SLC4A4: variants seen among roughly 807,000 people sequenced by gnomAD.
SLC4A4 encodes the protein electrogenic sodium bicarbonate cotransporter 1.
A neutral mutation model predicts 111.5 loss-of-function variants in SLC4A4; 27 were observed. That is an observed-to-expected ratio of 0.24 (90% CI 0.18 to 0.33). The LOEUF is 0.33. Among genes scored for constraint, SLC4A4 ranks in the 10% least tolerant of loss-of-function variants. The pLI is 1.00. For missense variants in SLC4A4, 909 were observed against 1,315.5 expected (o/e 0.69, Z 4.78); for synonymous variants, 443 against 463.4 (o/e 0.96, Z 0.57).
chr4:71,107,155 A>C (rs1742954372), intron 2 of SLC4A4, among the ~76,000 whole-genome samples: 1 of 151,346 alleles, frequency 6.6e-6, no homozygotes, highest in Admixed American at 6.6e-5. Context: ...TATAGATAGC[A>C]TATAGTTAGA....
Position 71,082,265 on chromosome 4 carries a change from C to T in SLC4A4, c.-64-10465C>T, listed in dbSNP as rs185115301. ...GATGTATCTGAGTCTCAGCTCCAAC[C>T]TAGCCGAAGCACTCTGCATTTGCAG... On this transcript the variant is annotated intron_variant, in intron 1 of 26. Transcript: ENST00000649996. 3.3e-5 allele frequency among the ~76,000 whole-genome samples: 5 copies of T among 152,138 alleles called. No individual in the cohort carries two copies. The East Asian group carries it at 9.6e-4, about 29-fold the overall frequency.
chr4:71,359,829 G>A (rs1328075231), intron 6 of SLC4A4, among the ~76,000 whole-genome samples: 1 of 152,098 alleles, frequency 6.6e-6, no homozygotes, highest in Non-Finnish European at 1.5e-5. Flanking sequence ...AGATAAATTT[G>A]TATACCTTTG....
intron 6 of SLC4A4, among the ~76,000 whole-genome samples, chr4:71,359,066 T>C (rs1483648967): frequency 1.3e-5 from 2 of 152,214 alleles, no homozygotes; most frequent in Non-Finnish European, 2.9e-5. Flanking sequence ...TTCATTTCCA[T>C]GGAACTGCAG....
intron 1 of SLC4A4, among the ~76,000 whole-genome samples, chr4:71,229,818 T>TTC (rs1553964998): frequency 1.3e-5 from 2 of 151,588 alleles, no homozygotes; most frequent in Non-Finnish European, 2.9e-5. Flanking sequence ...CGAAGTTTTT[T>TTC]TTTTTTTTTT....
chr4:71,343,483 A>G (rs1013339528), intron 4 of SLC4A4, among the ~76,000 whole-genome samples: 8 of 152,208 alleles, frequency 5.3e-5, no homozygotes, highest in Admixed American at 1.3e-4. Context: ...ACTGAACTTC[A>G]GATCTACTCT....
chr4:71,534,920 A>G (rs1734277335), intron 18 of SLC4A4, among the ~76,000 whole-genome samples: 1 of 152,174 alleles, frequency 6.6e-6, no homozygotes, highest in East Asian at 1.9e-4. Context: ...AAAATCAGTT[A>G]TTAACTTTGT....
chr4:71,110,546 G>A (rs1357489252), intron 2 of SLC4A4, among the ~76,000 whole-genome samples: 1 of 152,170 alleles, frequency 6.6e-6, no homozygotes, highest in African/African-American at 2.4e-5. Flanking sequence ...AAAGTGAAAC[G>A]AAATAATTCC....
At chr4:71,275,385 T>C (rs889914280) in intron 3 of SLC4A4, among the ~76,000 whole-genome samples, 6 of 152,250 alleles carry the variant, frequency 3.9e-5, no homozygotes, top group Non-Finnish European at 8.8e-5. Context: ...GAAAGGCTTG[T>C]CACTTTCTTT....
intron 14 of SLC4A4, among the ~76,000 whole-genome samples, chr4:71,479,865 G>T (rs947201855): frequency 6.6e-6 from 1 of 151,696 alleles, no homozygotes; most frequent in Admixed American, 6.6e-5. Flanking sequence ...AAATGGGATT[G>T]TCATCAGACC....
intron 7 of SLC4A4, among the ~76,000 whole-genome samples, chr4:71,440,070 A>G (rs1158379037): frequency 6.6e-6 from 1 of 151,910 alleles, no homozygotes; most frequent in Admixed American, 6.6e-5. Flanking sequence ...ATTTTTGCAT[A>G]GCTTGTATCT....
At chr4:71,325,859 A>T (rs1257708232) in intron 3 of SLC4A4, among the ~76,000 whole-genome samples, 1 of 151,912 alleles carries the variant, frequency 6.6e-6, no homozygotes, top group East Asian at 1.9e-4. Context: ...TTACTAACAG[A>T]TGACCACTAC....
intron 2 of SLC4A4, among the ~76,000 whole-genome samples, chr4:71,130,219 C>A (rs1201071595): frequency 6.6e-6 from 1 of 152,008 alleles, no homozygotes; most frequent in Non-Finnish European, 1.5e-5. Flanking sequence ...CCAGAGTTCT[C>A]TTGTAATGTT....
At chr4:71,139,431 G>C (rs980866747) in intron 2 of SLC4A4, among the ~76,000 whole-genome samples, 4 of 152,100 alleles carry the variant, frequency 2.6e-5, no homozygotes, top group African/African-American at 9.7e-5. Flanking sequence ...TTTCACACTA[G>C]AACCCTGGTG....
chr4:71,531,144 G>C (rs1000449022), intron 16 of SLC4A4, among the ~76,000 whole-genome samples: 3 of 152,080 alleles, frequency 2.0e-5, no homozygotes, highest in Admixed American at 1.3e-4. Flanking sequence ...CTGTGCTCTG[G>C]TAATGCCCTT....
chr4:71,084,983 A>G (rs1024505998), intron 1 of SLC4A4, among the ~76,000 whole-genome samples: 3 of 152,052 alleles, frequency 2.0e-5, no homozygotes, highest in Non-Finnish European at 4.4e-5. Context: ...TCGCCACACT[A>G]ACTTCCACAA....
intron 3 of SLC4A4, among the ~76,000 whole-genome samples, chr4:71,314,073 G>GA (rs952968370): frequency 6.0e-5 from 9 of 150,080 alleles, no homozygotes; most frequent in Non-Finnish European, 7.4e-5. Context: ...AAATTTACAA[G>GA]AAAAAAAAAC....
intron 3 of SLC4A4, among the ~76,000 whole-genome samples, chr4:71,279,367 C>T (rs1266943027): frequency 6.6e-6 from 1 of 152,080 alleles, no homozygotes; most frequent in Non-Finnish European, 1.5e-5. Flanking sequence ...TGGCTTATTC[C>T]ACTAAACATA....
At chr4:71,411,614 G>T (rs1721369905) in intron 7 of SLC4A4, among the ~76,000 whole-genome samples, 1 of 152,002 alleles carries the variant, frequency 6.6e-6, no homozygotes, top group African/African-American at 2.4e-5. Flanking sequence ...GCTCAGCAAG[G>T]TTACAGTTTT....
chr4:71,383,200 A>G (rs564769051), intron 6 of SLC4A4, among the ~76,000 whole-genome samples: 1 of 152,318 alleles, frequency 6.6e-6, no homozygotes, highest in Non-Finnish European at 1.5e-5. Flanking sequence ...AGAATGAGCT[A>G]AGACCATACT....
Sources: gnomAD v4.1 joint callset for allele counts (sites outside exome capture counted in the v4.1 genomes callset) on GRCh38, gnomAD v4.1.1 for gene constraint, MANE v1.5 for transcripts, NCBI Gene and HGNC (gene_info 2026-07-23, HGNC 2026-07-21) for gene names.